PDCD1LG2: variants seen among roughly 807,000 people sequenced by gnomAD.
The protein encoded by PDCD1LG2 is programmed cell death 1 ligand 2.
Under a neutral mutation model 28.2 loss-of-function variants are expected in PDCD1LG2, and 32 were observed. The observed-to-expected ratio is 1.13, with a 90% CI of 0.86 to 1.52. The LOEUF (loss-of-function observed/expected upper bound fraction) is 1.52. PDCD1LG2 is among the 40% of genes most tolerant of loss of function. PDCD1LG2 has a pLI of 0.00. For synonymous variants in PDCD1LG2, 116 were observed against 120.2 expected (o/e 0.97, Z 0.23); for missense variants, 385 against 323.8 (o/e 1.19, Z -1.45).
intron 5 of PDCD1LG2, among the ~76,000 whole-genome samples, chr9:5,560,271 T>C (rs988028564): frequency 4.6e-5 from 7 of 152,186 alleles, no homozygotes; most frequent in Admixed American, 4.6e-4. Flanking sequence ...CTCCCTCTTA[T>C]AGCATGTACT....
At chr9:5,563,276 G>C (rs2129947825) in intron 6 of PDCD1LG2, 65 bp downstream of exon 6, 1 of 1,340,136 alleles carries the variant, frequency 7.5e-7, no homozygotes. Context: ...GAATTTTAAA[G>C]TAACCACTGT....
Position 5,529,097 on chromosome 9 carries a change from G to T in PDCD1LG2, c.56-5648G>T, listed in dbSNP as rs112747494. Among the ~76,000 whole-genome samples, 119 of 152,336 alleles carry T rather than the reference G, an allele frequency of 7.8e-4. 1 individual carries two copies. Among genetic ancestry groups the T allele is most frequent in the African/African-American group, 2.7e-3 (114 of 41,566 alleles). On this transcript the variant is annotated intron_variant, in intron 2 of 6. Transcript: ENST00000397747. ...ATTTTCAAATATTCTTTTGAAGTCT[G>T]TAGCTTGTCTTTTCATTTTCTTAAC...
At chr9:5,533,190 G>T (rs1047099509) in intron 2 of PDCD1LG2, among the ~76,000 whole-genome samples, 4 of 152,180 alleles carry the variant, frequency 2.6e-5, no homozygotes, top group Non-Finnish European at 5.9e-5. Flanking sequence ...CTAATCTTCT[G>T]TGATTATTCA....
chr9:5,543,306 G>A (rs1038911771), intron 3 of PDCD1LG2, among the ~76,000 whole-genome samples: 3 of 152,218 alleles, frequency 2.0e-5, no homozygotes, highest in Admixed American at 1.3e-4. Context: ...TTGGGAGGCC[G>A]AGGTGGGCAG....
intron 2 of PDCD1LG2, among the ~76,000 whole-genome samples, chr9:5,528,387 G>C (rs754825781): frequency 2.7e-5 from 4 of 150,648 alleles, no homozygotes; most frequent in African/African-American, 9.8e-5. Flanking sequence ...CTGCAGCCTC[G>C]ATCTCTCAGG....
intron 4 of PDCD1LG2, among the ~76,000 whole-genome samples, chr9:5,554,036 C>T (rs988446299): frequency 3.3e-5 from 5 of 152,198 alleles, no homozygotes; most frequent in Non-Finnish European, 5.9e-5. Context: ...GCAGCTCAGT[C>T]ACTCCAGGGC....
At chr9:5,543,174 G>A (rs941086654) in intron 3 of PDCD1LG2, among the ~76,000 whole-genome samples, 4 of 152,236 alleles carry the variant, frequency 2.6e-5, no homozygotes, top group East Asian at 1.9e-4. Context: ...TATGAGGATG[G>A]AAAGGCATAA....
intron 4 of PDCD1LG2, among the ~76,000 whole-genome samples, chr9:5,551,052 G>A (rs904542631): frequency 1.6e-4 from 24 of 152,126 alleles, no homozygotes; most frequent in African/African-American, 5.3e-4. Flanking sequence ...CCTTGTGATT[G>A]CATTAGGTAC....
intron 2 of PDCD1LG2, among the ~76,000 whole-genome samples, chr9:5,524,718 A>G (rs1020109769): frequency 6.6e-6 from 1 of 152,230 alleles, no homozygotes; most frequent in Non-Finnish European, 1.5e-5. Context: ...GGATGGGGGT[A>G]AAAAGGATAG....
At chr9:5,558,154 T>C (rs1164682768) in intron 5 of PDCD1LG2, among the ~76,000 whole-genome samples, 1 of 152,180 alleles carries the variant, frequency 6.6e-6, no homozygotes, top group Non-Finnish European at 1.5e-5. Flanking sequence ...CCAGTCTGGA[T>C]ATGACCTGGG....
chr9:5,542,574 G>T (rs1820707183), intron 3 of PDCD1LG2, among the ~76,000 whole-genome samples: 1 of 152,158 alleles, frequency 6.6e-6, no homozygotes, highest in Non-Finnish European at 1.5e-5. Context: ...TGACCAACGA[G>T]CATATGGAAA....
chr9:5,555,784 A>G (rs765433995), intron 4 of PDCD1LG2, among the ~76,000 whole-genome samples: 2 of 152,210 alleles, frequency 1.3e-5, no homozygotes, highest in African/African-American at 2.4e-5. Context: ...TAAGGCCAAG[A>G]CCTTGAAAAC....
At chr9:5,537,716 C>A (rs913244891) in intron 3 of PDCD1LG2, among the ~76,000 whole-genome samples, 1 of 152,148 alleles carries the variant, frequency 6.6e-6, no homozygotes, top group Non-Finnish European at 1.5e-5. Flanking sequence ...ACATCACACA[C>A]TGGGGACTGT....
At chr9:5,568,088 C>A in intron 6 of PDCD1LG2, among the ~76,000 whole-genome samples, 1 of 152,186 alleles carries the variant, frequency 6.6e-6, no homozygotes, top group East Asian at 1.9e-4. Flanking sequence ...GCACTATAAA[C>A]CTTTCGCAAA....
At chr9:5,540,521 T>C (rs1455196195) in intron 3 of PDCD1LG2, among the ~76,000 whole-genome samples, 2 of 152,070 alleles carry the variant, frequency 1.3e-5, no homozygotes, top group Non-Finnish European at 2.9e-5. Flanking sequence ...CAATTAGAAA[T>C]GAAATGGAGA....
chr9:5,541,943 C>T (rs993578949), intron 3 of PDCD1LG2, among the ~76,000 whole-genome samples: 6 of 152,092 alleles, frequency 3.9e-5, no homozygotes, highest in African/African-American at 1.4e-4. Context: ...TACTATAACA[C>T]CATAGTCACC....
chr9:5,534,744 G>A lies in PDCD1LG2; in HGVS notation c.56-1G>A, dbSNP rs1586802889. The A allele has an allele frequency of 6.3e-7, 1 of 1,591,822 alleles. No homozygotes were observed. Among genetic ancestry groups the A allele is most frequent in the Non-Finnish European group, 8.6e-7 (1 of 1,166,270 alleles). The stretch of plus-strand genomic sequence containing the variant: ...GACAAAATATCTTGTTTTCTTTTCA[G>A]CTTTATTCACAGTGACAGTCCCTAA... On this transcript the variant is annotated splice_acceptor_variant, in intron 2 of 6. Transcript: ENST00000397747. LOFTEE classifies it high-confidence loss of function.
At chr9:5,568,843 A>T (rs1816717355) in intron 6 of PDCD1LG2, among the ~76,000 whole-genome samples, 2 of 152,186 alleles carry the variant, frequency 1.3e-5, no homozygotes, top group African/African-American at 4.8e-5. Context: ...ATGGTTCTCT[A>T]TGGCTCATAT....
intron 2 of PDCD1LG2, among the ~76,000 whole-genome samples, chr9:5,528,585 A>AT (rs1820423690): frequency 6.6e-6 from 1 of 151,964 alleles, no homozygotes; most frequent in South Asian, 2.1e-4. Flanking sequence ...GATTACAGGC[A>AT]TAAGCCACTG....
Sources: allele counts gnomAD v4.1 joint callset (sites outside exome capture counted in the v4.1 genomes callset), GRCh38; gene constraint gnomAD v4.1.1; transcripts MANE v1.5; gene names NCBI Gene and HGNC (gene_info 2026-07-23, HGNC 2026-07-21).